The following PREX2 variants were observed in gnomAD, a reference collection of about 807,000 sequenced individuals.
The protein encoded by PREX2 is phosphatidylinositol-3,4,5-trisphosphate dependent Rac exchange factor 2.
PREX2 carries 107 observed loss-of-function variants against 203.2 expected under a neutral mutation model. The ratio of observed to expected loss-of-function variants is 0.53; its 90% CI spans 0.45 to 0.62. The LOEUF is 0.62. Among genes scored for constraint, PREX2 ranks in the 20% least tolerant of loss-of-function variants. The pLI, the probability that PREX2 is intolerant of heterozygous loss-of-function variation, is 0.00. For synonymous variants in PREX2, 672 were observed against 663.6 expected (o/e 1.01, Z -0.19); for missense variants, 1,777 against 1,955.9 (o/e 0.91, Z 1.72).
chr8:68,014,463 T>C (rs1418818688), intron 1 of PREX2, among the ~76,000 whole-genome samples: 3 of 152,036 alleles, frequency 2.0e-5, no homozygotes, highest in Admixed American at 1.3e-4. Context: ...GGGCGGCATA[T>C]GTGAGAGCCT....
intron 35 of PREX2, among the ~76,000 whole-genome samples, chr8:68,164,174 T>C (rs1811708298): frequency 6.6e-6 from 1 of 151,904 alleles, no homozygotes; most frequent in Non-Finnish European, 1.5e-5. Flanking sequence ...GTACCTAAGA[T>C]GGCAAAGAGG....
chr8:68,095,479 T>C (rs1371166788), intron 21 of PREX2, among the ~76,000 whole-genome samples: 1 of 151,810 alleles, frequency 6.6e-6, no homozygotes, highest in East Asian at 1.9e-4. Flanking sequence ...ATTTAAAAGC[T>C]TTTTTTCAGG....
intron 26 of PREX2, among the ~76,000 whole-genome samples, chr8:68,118,006 C>T (rs1181807046): frequency 6.6e-6 from 1 of 152,156 alleles, no homozygotes; most frequent in Non-Finnish European, 1.5e-5. Flanking sequence ...CTTAAAAAAT[C>T]ATTTAGGATT....
At position 68,072,564 on chromosome 8, in the gene PREX2, T is replaced by C; in HGVS notation, c.1563T>C (p.Ile521=). 6.4e-7 allele frequency: 1 copy of C among 1,571,340 alleles called. No individual in the cohort carries two copies. Among genetic ancestry groups the C allele is most frequent in the Non-Finnish European group, 8.8e-7 (1 of 1,141,862 alleles). The change falls in exon 14 of 40, where the codon ATT becomes ATC. Residue 521 remains isoleucine, a synonymous_variant. Transcript: ENST00000288368. The part of the protein sequence containing the change: ...VMANKLIDWL[I]AQGDCRTREE... ...CCAACAAACTGATAGACTGGTTAATTGCACAGGTAAATAGACAAATAGAAG... is the reference window on the plus strand; with the variant it reads ...CCAACAAACTGATAGACTGGTTAATCGCACAGGTAAATAGACAAATAGAAG...
intron 1 of PREX2, among the ~76,000 whole-genome samples, chr8:67,984,736 C>T (rs1474562204): frequency 6.6e-6 from 1 of 152,170 alleles, no homozygotes; most frequent in African/African-American, 2.4e-5. Flanking sequence ...ATGGGAAGTA[C>T]AGCTGAGGAC....
chr8:68,192,396 C>T lies in PREX2; in HGVS notation c.4475C>T (p.Ser1492Phe). 2 of 1,613,868 alleles carry T rather than the reference C, an allele frequency of 1.2e-6. No individual in the cohort carries two copies. Among genetic ancestry groups the T allele is most frequent in the Non-Finnish European group, 1.7e-6 (2 of 1,179,858 alleles). ...CGACTGGTAGCCTCGTTTATCAGAT[C>T]CAAGCGCACAGCTGCCTGTGCAAAC... ...LYRLVASFIR[S>F]KRTAACANTA... Residue 1492 changes from serine to phenylalanine, a missense_variant, in exon 37 of 40, where the codon TCC becomes TTC. Transcript: ENST00000288368.
At chr8:68,058,610 T>C (rs992565082) in intron 10 of PREX2, among the ~76,000 whole-genome samples, 3 of 152,016 alleles carry the variant, frequency 2.0e-5, no homozygotes, top group African/African-American at 4.8e-5. Flanking sequence ...ATTTTTTAAA[T>C]TTTTAGTAGA....
rs1054507806 is a variant in PREX2, at chr8:68,084,038, A to G, written c.2027+650A>G. 5.9e-5 allele frequency among the ~76,000 whole-genome samples: 9 copies of G among 152,294 alleles called. No individual in the cohort carries two copies. The East Asian group carries it at 1.7e-3, about 29-fold the overall frequency. On this transcript the variant is annotated intron_variant, in intron 18 of 39. Coordinates refer to ENST00000288368, the MANE Select transcript of PREX2 (RefSeq NM_024870.4). ...GTTTTTAAAGTATTGGTACACATATACACAATCAGGTACCCACAAAATGAG... is the reference window on the plus strand; with the variant it reads ...GTTTTTAAAGTATTGGTACACATATGCACAATCAGGTACCCACAAAATGAG...
At chr8:68,185,815 A>G (rs992264308) in intron 35 of PREX2, among the ~76,000 whole-genome samples, 1 of 148,434 alleles carries the variant, frequency 6.7e-6, no homozygotes, top group Non-Finnish European at 1.5e-5. Flanking sequence ...TGCCAGCATG[A>G]AAGGAAACAT....
intron 37 of PREX2, chr8:68,192,777 C>A (rs372030496): frequency 5.3e-6 from 2 of 379,962 alleles, no homozygotes; most frequent in East Asian, 4.3e-5. Context: ...TTTATATTAA[C>A]ATACTTACAT....
At chr8:68,021,052 G>C (rs1330954322) in intron 3 of PREX2, among the ~76,000 whole-genome samples, 1 of 151,994 alleles carries the variant, frequency 6.6e-6, no homozygotes, top group Non-Finnish European at 1.5e-5. Flanking sequence ...TCTTTTATTG[G>C]TACTCTTTTG....
chr8:68,089,249 C>T (rs1475151359), intron 19 of PREX2, among the ~76,000 whole-genome samples: 2 of 150,608 alleles, frequency 1.3e-5, no homozygotes, highest in African/African-American at 4.9e-5. Context: ...TTAGTGTCTC[C>T]CAATTGACTG....
intron 1 of PREX2, among the ~76,000 whole-genome samples, chr8:67,986,597 A>G (rs1417948235): frequency 6.6e-6 from 1 of 152,226 alleles, no homozygotes; most frequent in Non-Finnish European, 1.5e-5. Flanking sequence ...GGTTTAAGTC[A>G]TAGATTTACA....
chr8:68,068,262 T>C (rs1011246003), intron 11 of PREX2, among the ~76,000 whole-genome samples: 1 of 152,080 alleles, frequency 6.6e-6, no homozygotes, highest in African/African-American at 2.4e-5. Context: ...TGAGAAGGAT[T>C]GGCATTAATT....
At position 68,127,420 on chromosome 8, in the gene PREX2, G is replaced by T; in HGVS notation, c.3766+1G>T. The T allele has an allele frequency of 6.2e-7, 1 of 1,604,318 alleles. No individual in the cohort carries two copies. The highest frequency in any genetic ancestry group is 8.5e-7 in the Non-Finnish European group (1 of 1,172,558). ...CTCCTGGCTCTTCTTGAATATTCAGGTAACATTTTGCATTTTATTTTTTTT... is the reference window on the plus strand; with the variant it reads ...CTCCTGGCTCTTCTTGAATATTCAGTTAACATTTTGCATTTTATTTTTTTT... On this transcript the variant is annotated splice_donor_variant, in intron 31 of 39. Coordinates refer to ENST00000288368, the MANE Select transcript of PREX2 (RefSeq NM_024870.4). LOFTEE classifies it high-confidence loss of function.
chr8:68,071,562 C>T (rs1809195986), intron 13 of PREX2, among the ~76,000 whole-genome samples: 1 of 151,960 alleles, frequency 6.6e-6, no homozygotes, highest in Non-Finnish European at 1.5e-5. Context: ...TTTTTATGAT[C>T]CAGGTTTGGA....
chr8:68,102,361 G>C (rs1337297625), intron 23 of PREX2, among the ~76,000 whole-genome samples: 1 of 152,146 alleles, frequency 6.6e-6, no homozygotes, highest in African/African-American at 2.4e-5. Context: ...AGCTCTCCTT[G>C]TCATCATACC....
At chr8:68,045,822 A>G (rs1021806599) in intron 8 of PREX2, among the ~76,000 whole-genome samples, 1 of 152,132 alleles carries the variant, frequency 6.6e-6, no homozygotes, top group African/African-American at 2.4e-5. Flanking sequence ...TGTGGGACCT[A>G]GTCGGCTATC....
intron 23 of PREX2, chr8:68,105,665 A>ACCATATATATATAT: frequency 2.0e-6 from 1 of 504,430 alleles, no homozygotes; most frequent in Non-Finnish European, 2.2e-6. Flanking sequence ...TAAATGACAG[A>ACCATATATATATAT]CCATATATAT....
Sources: allele counts gnomAD v4.1 joint callset (sites outside exome capture counted in the v4.1 genomes callset), GRCh38; gene constraint gnomAD v4.1.1; transcripts MANE v1.5; gene names NCBI Gene and HGNC (gene_info 2026-07-23, HGNC 2026-07-21).